LMO3: variants seen among roughly 807,000 people sequenced by gnomAD.
The protein encoded by LMO3 is LIM domain only protein 3.
In LMO3, 2 loss-of-function variants were observed where a neutral mutation model predicts 15.8. The observed-to-expected ratio is 0.13, with a 90% CI of 0.05 to 0.40. LMO3 has a LOEUF of 0.40. Ranked by LOEUF, LMO3 falls within the 10% of genes least tolerant of loss-of-function variation. The pLI is 0.99. For missense variants in LMO3, 86 were observed against 182.2 expected (o/e 0.47, Z 3.04); for synonymous variants, 62 against 63.8 (o/e 0.97, Z 0.13).
intron 3 of LMO3, among the ~76,000 whole-genome samples, chr12:16,552,029 ATAAAC>A (rs1487389742): frequency 6.6e-6 from 1 of 152,058 alleles, no homozygotes; most frequent in African/African-American, 2.4e-5. Context: ...TATTGATGTG[ATAAAC>A]TAAACTAGTT....
intron 2 of LMO3, among the ~76,000 whole-genome samples, chr12:16,565,895 C>T (rs1016050229): frequency 1.3e-4 from 19 of 148,962 alleles, no homozygotes; most frequent in Admixed American, 3.4e-4. Context: ...TCTGCACTCT[C>T]GTGTTTATTA....
At chr12:16,590,007 A>G (rs1285535286) in intron 2 of LMO3, among the ~76,000 whole-genome samples, 1 of 152,090 alleles carries the variant, frequency 6.6e-6, no homozygotes, top group Non-Finnish European at 1.5e-5. Flanking sequence ...GTACCTCCTT[A>G]TAAGATTCAA....
chr12:16,564,377 C>A (rs1380554484), intron 2 of LMO3, among the ~76,000 whole-genome samples: 3 of 152,174 alleles, frequency 2.0e-5, no homozygotes, highest in Non-Finnish European at 4.4e-5. Context: ...ACTAAATGTT[C>A]AACAGCTTCG....
At chr12:16,575,740 A>G (rs771025730) in intron 2 of LMO3, among the ~76,000 whole-genome samples, 2 of 152,210 alleles carry the variant, frequency 1.3e-5, no homozygotes, top group African/African-American at 2.4e-5. Context: ...AAGGAGCCTC[A>G]GAGGCTATTC....
intron 2 of LMO3, among the ~76,000 whole-genome samples, chr12:16,567,151 G>A (rs1236830231): frequency 6.6e-6 from 1 of 152,042 alleles, no homozygotes; most frequent in East Asian, 1.9e-4. Flanking sequence ...AGCTGAGATC[G>A]TGCCATTGCA....
chr12:16,605,369 T>C (rs992802225), intron 1 of LMO3: 2 of 1,176,534 alleles, frequency 1.7e-6, no homozygotes, highest in African/African-American at 3.1e-5. Context: ...AATCTCAATC[T>C]ATTAGGATAT....
Position 16,550,591 on chromosome 12 carries a change from T to C in LMO3, c.*631A>G, listed in dbSNP as rs990928255. The C allele has an allele frequency of 1.3e-5, 2 of 152,142 alleles. No individual in the cohort carries two copies. Among genetic ancestry groups the C allele is most frequent in the African/African-American group, 4.8e-5 (2 of 41,384 alleles). The allele number at this position is 152,142 out of a possible 1,614,324, so 9.4% of individuals were successfully genotyped here. A position where few individuals can be genotyped will look rare whatever the true frequency, so the allele number is the denominator to read the frequency against. On this transcript the variant is annotated 3_prime_UTR_variant, in exon 4 of 4. Coordinates refer to ENST00000537304, the MANE Select transcript of LMO3 (RefSeq NM_018640.5). ...AAGCTGATTTTTAACCCCCTGAAAA[T>C]AGGGGGTTATAACAAGAACACTGAT...
Position 16,549,747 on chromosome 12 carries a change from A to G in LMO3, c.*1475T>C, listed in dbSNP as rs769388433. 19 of 152,124 alleles carry G rather than the reference A, an allele frequency of 1.2e-4. No homozygotes were observed. Among genetic ancestry groups the G allele is most frequent in the Non-Finnish European group, 2.5e-4 (17 of 67,974 alleles). The allele number at this position is 152,124 out of a possible 1,614,324, so 9.4% of individuals were successfully genotyped here. ...AAAAGTAGTTCTATTACAGGGAGCA[A>G]AAGCAAAGAAGCAAGTTTGTGGGCA... On this transcript the variant is annotated 3_prime_UTR_variant, in exon 4 of 4. Transcript: ENST00000537304.
chr12:16,607,017 A>G (rs2137754079), upstream of LMO3: 1 of 152,324 alleles, frequency 6.6e-6, no homozygotes, highest in Middle Eastern at 3.4e-3. Context: ...ACCCTGGAAA[A>G]AGCACACAAC....
rs993951863 is a variant in LMO3 at position 16,603,932 on chromosome 12, C to A, written c.-9+2134G>T. On this transcript the variant is annotated intron_variant, in intron 1 of 3. Transcript: ENST00000537304. This position sits in a 1 kb window ranked among gnomAD's most constrained non-coding sequence, Gnocchi z 4.9. ...CAGAGTGAATAGAAAACATTTTGTC[C>A]GTCGGAAAATTCACAGAGAACAATT... 7.9e-5 allele frequency among the ~76,000 whole-genome samples: 12 copies of A among 151,960 alleles called. No homozygotes were observed. The highest frequency in any genetic ancestry group is 2.9e-4 in the African/African-American group (12 of 41,372).
At chr12:16,551,660 T>A (rs568635580) in intron 3 of LMO3, among the ~76,000 whole-genome samples, 4 of 151,722 alleles carry the variant, frequency 2.6e-5, no homozygotes, top group African/African-American at 7.2e-5. Context: ...TTTACACCCA[T>A]TAAAATAAAA....
chr12:16,568,678 C>G (rs181942658), intron 2 of LMO3, among the ~76,000 whole-genome samples: 1 of 152,186 alleles, frequency 6.6e-6, no homozygotes, highest in African/African-American at 2.4e-5. Flanking sequence ...GCATTAAATA[C>G]GTTGTTTAAA....
In LMO3 at chr12:16,597,280, G is replaced by GA. The variant is rs1030447747; in HGVS notation, c.206+3374dup. On this transcript the variant is annotated intron_variant, in intron 2 of 3. Transcript: ENST00000537304. This position sits in a 1 kb window ranked among gnomAD's most constrained non-coding sequence, Gnocchi z 5.0. The stretch of plus-strand genomic sequence containing the variant: ...ATATAGCTACTAGTGCCATAAAGGA[G>GA]AAAAAAAATGGAAAGACATCAAATT... 8.6e-5 allele frequency among the ~76,000 whole-genome samples: 13 copies of GA among 150,800 alleles called. No individual in the cohort carries two copies. Among genetic ancestry groups the GA allele is most frequent in the East Asian group, 1.9e-4 (1 of 5,146 alleles).
intron 2 of LMO3, among the ~76,000 whole-genome samples, chr12:16,569,628 G>C (rs1942740328): frequency 6.6e-6 from 1 of 152,066 alleles, no homozygotes; most frequent in Non-Finnish European, 1.5e-5. Flanking sequence ...AATATTTCCA[G>C]GCAAATATGG....
chr12:16,549,185 TTTTAA>T lies in LMO3; in HGVS notation c.*2032_*2036del, dbSNP rs1941897132. 6.6e-6 allele frequency: 1 copy of T among 152,116 alleles called. No homozygotes were observed. The highest frequency in any genetic ancestry group is 2.4e-5 in the African/African-American group (1 of 41,416). 9.4% of individuals were successfully genotyped at this position (152,116 alleles called of 1,614,324 possible). ...TTTCACTGATCTCTCCCCCACATAT[TTTTAA>T]TTTGTCTTGCTTTGTTTATTTTGGT... On this transcript the variant is annotated 3_prime_UTR_variant, in exon 4 of 4. Transcript: ENST00000537304.
upstream of LMO3, chr12:16,609,677 A>G (rs1378756848): frequency 2.0e-5 from 3 of 152,118 alleles, no homozygotes; most frequent in Non-Finnish European, 2.9e-5. Flanking sequence ...GGGGAGGGGA[A>G]TGACAAAATG....
intron 2 of LMO3, among the ~76,000 whole-genome samples, chr12:16,564,276 T>C (rs779192715): frequency 1.3e-5 from 2 of 151,846 alleles, no homozygotes; most frequent in Non-Finnish European, 2.9e-5. Context: ...CAGAGAAATA[T>C]TTAATAACTT....
intron 3 of LMO3, among the ~76,000 whole-genome samples, chr12:16,556,937 T>G (rs1942213967): frequency 1.3e-5 from 2 of 152,086 alleles, no homozygotes; most frequent in Admixed American, 6.6e-5. Flanking sequence ...CAGAAATATA[T>G]TAGGTACTTT....
intron 2 of LMO3, among the ~76,000 whole-genome samples, chr12:16,575,779 T>A (rs896904774): frequency 6.6e-6 from 1 of 150,926 alleles, no homozygotes; most frequent in African/African-American, 2.4e-5. Flanking sequence ...TCACTTTTCA[T>A]GTCCTGACCT....
Sources: allele counts gnomAD v4.1 joint callset (sites outside exome capture counted in the v4.1 genomes callset), GRCh38; gene constraint gnomAD v4.1.1; non-coding constraint Gnocchi (gnomAD v3.1); transcripts MANE v1.5; gene names NCBI Gene and HGNC (gene_info 2026-07-23, HGNC 2026-07-21).